Variants in MACROD2 observed in about 807,000 individuals in gnomAD.
MACROD2 encodes the protein mono-ADP ribosylhydrolase 2, also known as ADP-ribose glycohydrolase MACROD2.
In MACROD2, 36 loss-of-function variants were observed where a neutral mutation model predicts 70.4. That is an observed-to-expected ratio of 0.51 (90% CI 0.39 to 0.68). The LOEUF (loss-of-function observed/expected upper bound fraction) is 0.68. Among genes scored for constraint, MACROD2 ranks in the 30% least tolerant of loss-of-function variants. The pLI is 0.00. For synonymous variants in MACROD2, 172 were observed against 178.8 expected (o/e 0.96, Z 0.30); for missense variants, 496 against 538.4 (o/e 0.92, Z 0.78).
chr20:15,946,100 T>G (rs544625901), intron 12 of MACROD2, among the ~76,000 whole-genome samples: 215 of 152,270 alleles, frequency 1.4e-3, no homozygotes, highest in African/African-American at 4.5e-3. Flanking sequence ...CCTGACTAGA[T>G]GTAAAACCCA....
intron 12 of MACROD2, among the ~76,000 whole-genome samples, chr20:15,959,676 C>A (rs965367540): frequency 1.3e-5 from 2 of 152,000 alleles, no homozygotes; most frequent in African/African-American, 4.8e-5. Context: ...ACTACAGGCA[C>A]CCTTCACCAC....
At chr20:15,140,145 A>G (rs1011679049) in intron 5 of MACROD2, among the ~76,000 whole-genome samples, 1 of 152,218 alleles carries the variant, frequency 6.6e-6, no homozygotes, top group Non-Finnish European at 1.5e-5. Context: ...GTCGTCCTCT[A>G]TACATAGAGA....
At chr20:14,532,234 T>G (rs2085314794) in intron 4 of MACROD2, among the ~76,000 whole-genome samples, 1 of 150,872 alleles carries the variant, frequency 6.6e-6, no homozygotes, top group Non-Finnish European at 1.5e-5. Context: ...TTTTTTTTTT[T>G]TTGAGATGGA....
intron 4 of MACROD2, among the ~76,000 whole-genome samples, chr20:14,528,940 T>A (rs1263376104): frequency 6.6e-6 from 1 of 152,184 alleles, no homozygotes; most frequent in African/African-American, 2.4e-5. Context: ...ACGGATTAGG[T>A]ACTGGCTTTT....
chr20:15,451,417 TAAAA>T (rs35308671), intron 7 of MACROD2, among the ~76,000 whole-genome samples: 6 of 83,372 alleles, frequency 7.2e-5, no homozygotes, highest in African/African-American at 2.2e-4. Flanking sequence ...GGGTGGTAAA[TAAAA>T]AAAAAAAAAA....
rs867722966 is a variant in MACROD2, at chr20:14,908,269, A to T, written c.418+223310A>T. 4.6e-5 allele frequency among the ~76,000 whole-genome samples: 7 copies of T among 152,252 alleles called. No homozygotes were observed. The South Asian group carries it at 1.2e-3, about 27-fold the overall frequency. On this transcript the variant is annotated intron_variant, in intron 5 of 17. Transcript: ENST00000684519. ...GGCAGGAGAATCACTTGATCCCAGG[A>T]GGCAGCGGTTGCAGTGAGCTGAGAT...
At chr20:14,977,462 T>TACACACACAC (rs3045702) in intron 5 of MACROD2, among the ~76,000 whole-genome samples, 2,002 of 135,048 alleles carry the variant, frequency 0.015, 54 homozygotes, top group African/African-American at 0.05. Context: ...AAGAAAAAGA[T>TACACACACAC]ACACACACAC....
intron 3 of MACROD2, among the ~76,000 whole-genome samples, chr20:14,170,837 G>T (rs922201646): frequency 6.6e-6 from 1 of 152,200 alleles, no homozygotes; most frequent in East Asian, 1.9e-4. Context: ...TCTGGTTTTG[G>T]TATTAGGGAG....
chr20:14,335,033 C>A (rs2082912375), intron 3 of MACROD2, among the ~76,000 whole-genome samples: 1 of 151,994 alleles, frequency 6.6e-6, no homozygotes. Flanking sequence ...AAATGAAAAG[C>A]AAGAAAGAAG....
At chr20:14,522,170 T>C (rs1022243407) in intron 4 of MACROD2, among the ~76,000 whole-genome samples, 4 of 152,180 alleles carry the variant, frequency 2.6e-5, no homozygotes, top group Admixed American at 2.0e-4. Context: ...AAATATAATA[T>C]ATTTGAAAAC....
At chr20:14,860,708 A>C (rs1321957866) in intron 5 of MACROD2, among the ~76,000 whole-genome samples, 2 of 152,148 alleles carry the variant, frequency 1.3e-5, no homozygotes, top group East Asian at 3.9e-4. Context: ...ACCCAGGTGG[A>C]GGTCCCTGCT....
intron 3 of MACROD2, among the ~76,000 whole-genome samples, chr20:14,245,200 TA>T (rs2081959179): frequency 6.6e-6 from 1 of 151,858 alleles, no homozygotes; most frequent in Non-Finnish European, 1.5e-5. Context: ...CCGTCTCTAC[TA>T]AAAATACACA....
At position 14,862,062 on chromosome 20, in the gene MACROD2, T is replaced by TATATAAATATATAA. The variant is rs2073333861; in HGVS notation, c.418+177104_418+177105insTATAAATATATAAA. ...ATTTATATATATATTTATATATATATAAATATATATAAATATATAAATATA... is the reference window on the plus strand; with the variant it reads ...ATTTATATATATATTTATATATATATATATAAATATATAAAAATATATATAAATATATAAATATA... On this transcript the variant is annotated intron_variant, in intron 5 of 17. Transcript: ENST00000684519. 6.3e-4 allele frequency among the ~76,000 whole-genome samples: 18 copies of TATATAAATATATAA among 28,594 alleles called. 3 individuals carry two copies. Among genetic ancestry groups the TATATAAATATATAA allele is most frequent in the African/African-American group, 2.9e-3 (18 of 6,252 alleles). The allele number at this position is 28,594 out of a possible 152,430, so 18.8% of individuals were successfully genotyped here.
intron 5 of MACROD2, among the ~76,000 whole-genome samples, chr20:14,882,941 C>T (rs1012312731): frequency 6.6e-6 from 1 of 152,122 alleles, no homozygotes; most frequent in African/African-American, 2.4e-5. Context: ...TGCCCTCTTA[C>T]ATAAGCCATA....
At chr20:14,238,986 C>T (rs2081903750) in intron 3 of MACROD2, among the ~76,000 whole-genome samples, 1 of 135,708 alleles carries the variant, frequency 7.4e-6, no homozygotes, top group African/African-American at 2.8e-5. Context: ...AAGATTGCGC[C>T]ACTGCACTCC....
At chr20:14,978,240 A>G (rs2122827373) in intron 5 of MACROD2, among the ~76,000 whole-genome samples, 1 of 152,328 alleles carries the variant, frequency 6.6e-6, no homozygotes, top group East Asian at 1.9e-4. Context: ...CTACAGATAA[A>G]AAATGAGATT....
chr20:14,160,935 C>A (rs1345787503), intron 3 of MACROD2, among the ~76,000 whole-genome samples: 1 of 152,074 alleles, frequency 6.6e-6, no homozygotes, highest in East Asian at 1.9e-4. Context: ...GTATTTCCAT[C>A]ACCCACATAG....
intron 5 of MACROD2, among the ~76,000 whole-genome samples, chr20:15,223,714 C>T (rs2076880907): frequency 6.6e-6 from 1 of 152,146 alleles, no homozygotes; most frequent in Admixed American, 6.5e-5. Flanking sequence ...GTACTTGGGG[C>T]TCACCAAAAT....
chr20:15,685,564 AT>A (rs917512390), intron 8 of MACROD2, among the ~76,000 whole-genome samples: 6 of 152,164 alleles, frequency 3.9e-5, no homozygotes, highest in Non-Finnish European at 8.8e-5. Context: ...CCTAGATTGA[AT>A]CTAGACAAGG....
Sources: allele counts gnomAD v4.1 joint callset (sites outside exome capture counted in the v4.1 genomes callset), GRCh38; gene constraint gnomAD v4.1.1; transcripts MANE v1.5; gene names NCBI Gene and HGNC (gene_info 2026-07-23, HGNC 2026-07-21).